The following DNAH5 variants were observed in gnomAD, a reference collection of about 807,000 sequenced individuals.
DNAH5 encodes the protein axonemal beta dynein heavy chain 5.
In DNAH5, 372 loss-of-function variants were observed where a neutral mutation model predicts 518.2. That is an observed-to-expected ratio of 0.72 (90% CI 0.66 to 0.78). DNAH5 has a LOEUF of 0.78. Ranked by LOEUF, DNAH5 falls within the 30% of genes least tolerant of loss-of-function variation. The probability of loss-of-function intolerance (pLI) is 0.00; values close to 1 mark genes in which losing one functional copy is unlikely to be tolerated. For synonymous variants in DNAH5, 2,039 were observed against 2,025.9 expected, an observed-to-expected ratio of 1.01 and a Z score of -0.17; for missense variants, 5,523 against 5,687.0, an observed-to-expected ratio of 0.97 and a Z score of 0.93.
At chr5:13,729,379 T>A in intron 69 of DNAH5, 60 bp downstream of exon 69, 9 of 1,606,696 alleles carry the variant, frequency 5.6e-6, no homozygotes, top group Non-Finnish European at 6.0e-6. Flanking sequence ...TTGTACCTAG[T>A]GATAAATCAG....
intron 42 of DNAH5, among the ~76,000 whole-genome samples, chr5:13,816,222 T>A (rs1424408158): frequency 6.6e-6 from 1 of 152,188 alleles, no homozygotes; most frequent in African/African-American, 2.4e-5. Flanking sequence ...ACAGCAGTCA[T>A]ACGAGGAGAT....
chr5:13,914,211 G>A (rs1319147518), intron 10 of DNAH5, among the ~76,000 whole-genome samples: 3 of 151,968 alleles, frequency 2.0e-5, no homozygotes, highest in Non-Finnish European at 4.4e-5. Context: ...CCATGGTTTT[G>A]GTAATAGCAT....
At chr5:13,937,829 T>C (rs1223559317) in intron 1 of DNAH5, among the ~76,000 whole-genome samples, 2 of 152,122 alleles carry the variant, frequency 1.3e-5, no homozygotes, top group Non-Finnish European at 2.9e-5. Flanking sequence ...TTTTGTTCTT[T>C]ATATATGTGT....
chr5:13,977,926 C>T (rs566470740), intron 1 of DNAH5, among the ~76,000 whole-genome samples: 14 of 152,126 alleles, frequency 9.2e-5, no homozygotes, highest in East Asian at 3.9e-4. Context: ...GAAAGAGAGG[C>T]GACTCTCTCG....
chr5:13,753,050 T>C (rs1750463388), intron 63 of DNAH5, among the ~76,000 whole-genome samples, 183 bp downstream of exon 63: 1 of 152,222 alleles, frequency 6.6e-6, no homozygotes, highest in South Asian at 2.1e-4. Flanking sequence ...TCAACACAAA[T>C]GCAAATAATG....
chr5:13,931,314 C>A, intron 1 of DNAH5, 70 bp from the exon 2 acceptor site: 1 of 1,597,190 alleles, frequency 6.3e-7, no homozygotes, highest in Non-Finnish European at 8.6e-7. Flanking sequence ...GTAATAATTT[C>A]ATACAATTGT....
chr5:13,871,143 T>C, intron 23 of DNAH5, 141 bp from the exon 24 acceptor site: 1 of 646,970 alleles, frequency 1.5e-6, no homozygotes, highest in Non-Finnish European at 2.7e-6. Flanking sequence ...GAAAAAATCA[T>C]AATTTTTCCT....
chr5:13,778,526 T>TGA (rs1250689302), intron 53 of DNAH5, among the ~76,000 whole-genome samples: 1 of 62,394 alleles, frequency 1.6e-5, no homozygotes, highest in African/African-American at 6.3e-5. Flanking sequence ...GGAGAGAAAG[T>TGA]GAGAGAGAGA....
chr5:13,931,096 G>C lies in DNAH5; in HGVS notation c.192+14C>G, dbSNP rs1530497. The C allele has an allele frequency of 0.33, 527,458 of 1,613,588 alleles. 94,100 individuals carry two copies. The highest frequency in any genetic ancestry group is 0.68 in the East Asian group (30,645 of 44,842). On this transcript the variant is annotated intron_variant, in intron 2 of 78. Transcript: ENST00000265104. ...CTCCATCATCAAGTCAGTGAGAAGT[G>C]AAACGCATCCCACCTGATTCCCTTC...
At chr5:13,863,744 G>A (rs180730922) in intron 28 of DNAH5, among the ~76,000 whole-genome samples, 25 of 152,196 alleles carry the variant, frequency 1.6e-4, no homozygotes, top group African/African-American at 5.8e-4. Flanking sequence ...CACTACCAGA[G>A]TGATCCTTAC....
In DNAH5 at chr5:13,810,146, G is replaced by GC; in HGVS notation, c.7521dup (p.Leu2508AlafsTer47). 6.5e-7 allele frequency: 1 copy of GC among 1,549,034 alleles called. No individual in the cohort carries two copies. The highest frequency in any genetic ancestry group is 2.4e-5 in the East Asian group (1 of 40,896). On this transcript the variant is annotated frameshift_variant, in exon 45 of 79. Coordinates refer to ENST00000265104, the MANE Select transcript of DNAH5 (RefSeq NM_001369.3). LOFTEE classifies it high-confidence loss of function. The stretch of plus-strand genomic sequence containing the variant: ...AGCGTCCCTGTGGGCCGAGAGCGCA[G>GC]CCAGAGCTCCAGGCGGCGCCGTCCG...
At chr5:13,916,988 G>A (rs987575921) in intron 8 of DNAH5, among the ~76,000 whole-genome samples, 155 bp downstream of exon 8, 4 of 152,092 alleles carry the variant, frequency 2.6e-5, no homozygotes, top group Non-Finnish European at 4.4e-5. Context: ...GTGCGTCTGC[G>A]TGTATATACC....
At chr5:13,763,014 C>T (rs1751996653) in intron 59 of DNAH5, 113 bp from the exon 60 acceptor site, 1 of 904,998 alleles carries the variant, frequency 1.1e-6, no homozygotes, top group Non-Finnish European at 1.8e-6. Flanking sequence ...GAATGAAGGG[C>T]ATCATATTTT....
chr5:13,816,735 G>A (rs943204646), intron 42 of DNAH5, among the ~76,000 whole-genome samples: 7 of 151,944 alleles, frequency 4.6e-5, no homozygotes, highest in African/African-American at 1.2e-4. Flanking sequence ...TTTCTCTTTC[G>A]ACAATTTATA....
chr5:13,715,383 T>C (rs1180891876), intron 74 of DNAH5, among the ~76,000 whole-genome samples: 3 of 152,202 alleles, frequency 2.0e-5, no homozygotes, highest in Non-Finnish European at 4.4e-5. Flanking sequence ...ATGGGGTATA[T>C]ATAAAAATAT....
At chr5:13,901,123 T>C in intron 14 of DNAH5, 129 bp downstream of exon 14, 3 of 945,802 alleles carry the variant, frequency 3.2e-6, no homozygotes, top group Non-Finnish European at 4.9e-6. Context: ...CTCTGAACGC[T>C]TAGATTCAAC....
At chr5:13,917,309 C>A in intron 7 of DNAH5, 53 bp from the exon 8 acceptor site, 1 of 1,310,374 alleles carries the variant, frequency 7.6e-7, no homozygotes, top group Non-Finnish European at 1.1e-6. Flanking sequence ...AGAGGAACTT[C>A]CAACACAACC....
chr5:13,807,719 G>C lies in DNAH5; in HGVS notation c.7759C>G (p.Leu2587Val). ...GCTGTTCCTTGTTCACCAATTAATA[G>C]CACAGCCTAAAATAGAGGGAATTGA... ...QTIAKQGKAVLLIGEQGTAKT... is the reference protein window; with the variant it reads ...QTIAKQGKAVVLIGEQGTAKT... Residue 2587 changes from leucine (L) to valine (V), a missense_variant, in exon 47 of 79, where the codon CTA (leucine) becomes GTA (valine). Leu to Val is a conservative substitution (Grantham distance 32). Coordinates refer to ENST00000265104, the MANE Select transcript of DNAH5 (RefSeq NM_001369.3). 1 of 1,604,936 alleles carries C rather than the reference G, an allele frequency of 6.2e-7. No homozygotes were observed. Among genetic ancestry groups the C allele is most frequent in the Non-Finnish European group, 8.5e-7 (1 of 1,174,224 alleles).
chr5:13,830,768 T>C lies in DNAH5; in HGVS notation c.5890A>G (p.Ile1964Val). The C allele has an allele frequency of 1.2e-6, 2 of 1,614,140 alleles. No homozygotes were observed. The highest frequency in any genetic ancestry group is 1.7e-6 in the Non-Finnish European group (2 of 1,180,014). Reference protein sequence around the residue: ...VITPLTDRCYITLAQALGMSM... With the variant: ...VITPLTDRCYVTLAQALGMSM... Reference sequence around the variant, plus strand: ...ATTCCCAGAGCTTGAGCCAGCGTGATGTAACATCTGCATGGGTAGAAACAT... The same window carrying C: ...ATTCCCAGAGCTTGAGCCAGCGTGACGTAACATCTGCATGGGTAGAAACAT... The change falls in exon 36 of 79, where the codon ATC (isoleucine) becomes GTC (valine). Residue 1964 changes from isoleucine to valine, a missense_variant. This residue lies in a region of DNAH5 where 5,121 missense variants were observed against 5,223.3 expected (regional missense o/e 0.98). Coordinates refer to ENST00000265104, the MANE Select transcript of DNAH5 (RefSeq NM_001369.3).
Sources: gnomAD v4.1 joint callset for allele counts (sites outside exome capture counted in the v4.1 genomes callset) on GRCh38, gnomAD v4.1.1 for gene constraint, gnomAD v4.1.1 regional missense constraint, MANE v1.5 for transcripts, NCBI Gene and HGNC (gene_info 2026-07-23, HGNC 2026-07-21) for gene names.